Variants in DDX10 observed in about 807,000 individuals in gnomAD.
DDX10 encodes probable ATP-dependent RNA helicase DDX10.
Under a neutral mutation model 104.3 loss-of-function variants are expected in DDX10, and 74 were observed. The observed-to-expected ratio is 0.71, with a 90% confidence interval of 0.59 to 0.86. The LOEUF is 0.86. Ranked by LOEUF, DDX10 falls within the 40% of genes least tolerant of loss-of-function variation. DDX10 has a pLI of 0.00. For synonymous variants in DDX10, 351 were observed against 353.4 expected (o/e 0.99, Z 0.08); for missense variants, 952 against 1,040.0 (o/e 0.92, Z 1.16).
chr11:108,779,948 C>T (rs1241920562), intron 13 of DDX10, among the ~76,000 whole-genome samples: 6 of 152,106 alleles, frequency 3.9e-5, no homozygotes, highest in South Asian at 2.1e-4. Context: ...TTTTACCTTC[C>T]GTTATGCTAC....
intron 13 of DDX10, among the ~76,000 whole-genome samples, chr11:108,825,642 A>G (rs1418025128): frequency 6.6e-6 from 1 of 152,218 alleles, no homozygotes; most frequent in Non-Finnish European, 1.5e-5. Flanking sequence ...TATTAAGATC[A>G]CTTAAAAATG....
intron 16 of DDX10, among the ~76,000 whole-genome samples, chr11:108,908,546 T>C (rs1017635577): frequency 2.0e-5 from 3 of 152,360 alleles, no homozygotes; most frequent in South Asian, 4.1e-4. Context: ...TGTAGGAACG[T>C]AATAAAGATA....
intron 16 of DDX10, among the ~76,000 whole-genome samples, chr11:108,895,467 C>T (rs537572807): frequency 6.6e-6 from 1 of 152,070 alleles, no homozygotes; most frequent in Non-Finnish European, 1.5e-5. Context: ...CATATTATAT[C>T]ATGACTAGAT....
At position 108,810,063 on chromosome 11, in the gene DDX10, T is replaced by A. The variant is rs369525593; in HGVS notation, c.1966-28383T>A. On this transcript the variant is annotated intron_variant, in intron 13 of 17. Coordinates refer to ENST00000322536, the MANE Select transcript of DDX10 (RefSeq NM_004398.4). Reference sequence around the variant, plus strand: ...TCATTCATAAATGTTTGAGTGTTCTTCATGTGGAAAGTACTTGTCTGGGAG... The same window carrying A: ...TCATTCATAAATGTTTGAGTGTTCTACATGTGGAAAGTACTTGTCTGGGAG... Among the ~76,000 whole-genome samples the A allele has an allele frequency of 9.2e-5, 14 of 152,302 alleles. No homozygotes were observed. The South Asian group carries it at 2.9e-3, about 32-fold the overall frequency.
intron 16 of DDX10, among the ~76,000 whole-genome samples, chr11:108,881,319 A>G (rs1237010787): frequency 6.6e-6 from 1 of 152,162 alleles, no homozygotes; most frequent in South Asian, 2.1e-4. Flanking sequence ...GAAGTCCTGG[A>G]TGTAAATTAA....
intron 9 of DDX10, among the ~76,000 whole-genome samples, chr11:108,697,513 G>A (rs1041517405): frequency 4.6e-5 from 7 of 152,076 alleles, no homozygotes; most frequent in Admixed American, 1.3e-4. Flanking sequence ...AGCTAAAAAA[G>A]TGATTTGGGT....
At chr11:108,893,533 T>C (rs1014634961) in intron 16 of DDX10, among the ~76,000 whole-genome samples, 11 of 152,156 alleles carry the variant, frequency 7.2e-5, no homozygotes, top group African/African-American at 2.6e-4. Flanking sequence ...TTCCTTCTCA[T>C]AATTATGCAC....
At chr11:108,762,638 G>A (rs1313005197) in intron 13 of DDX10, among the ~76,000 whole-genome samples, 2 of 152,160 alleles carry the variant, frequency 1.3e-5, no homozygotes, top group Admixed American at 6.6e-5. Flanking sequence ...TCTTAATTGT[G>A]TAGGCAAGGT....
chr11:108,760,003 TAA>T (rs200118606), intron 13 of DDX10, among the ~76,000 whole-genome samples: 3 of 143,160 alleles, frequency 2.1e-5, no homozygotes, highest in Non-Finnish European at 4.6e-5. Flanking sequence ...TGATCCATGT[TAA>T]AAAAAAAAAA....
chr11:108,692,024 C>T lies in DDX10; in HGVS notation c.1124C>T (p.Ala375Val). Residue 375 changes from alanine (A) to valine (V), a missense_variant, in exon 8 of 18, where the codon GCA becomes GTA. Ala to Val is a moderately conservative substitution (Grantham distance 64). This residue lies in a region of DDX10 where 412 missense variants were observed against 479.2 expected (regional missense o/e 0.86). Transcript: ENST00000322536. ...RAAVLFATDIAARGLDFPAVN... is the reference protein window; with the variant it reads ...RAAVLFATDIVARGLDFPAVN... ...GCAGTACTCTTTGCTACTGATATTGCAGCCAGGGGTCTGGGTAAGAAAACT... is the reference window on the plus strand; with the variant it reads ...GCAGTACTCTTTGCTACTGATATTGTAGCCAGGGGTCTGGGTAAGAAAACT... 1.2e-6 allele frequency: 2 copies of T among 1,605,356 alleles called. No homozygotes were observed. The highest frequency in any genetic ancestry group is 1.7e-6 in the Non-Finnish European group (2 of 1,175,816).
At position 108,917,886 on chromosome 11, in the gene DDX10, A is replaced by G. The variant is rs779896494; in HGVS notation, c.2318A>G (p.Glu773Gly). The G allele has an allele frequency of 1.4e-5, 23 of 1,611,644 alleles. No individual in the cohort carries two copies. Among genetic ancestry groups the G allele is most frequent in the Non-Finnish European group, 1.9e-5 (22 of 1,179,864 alleles). Reference protein sequence around the residue: ...NKRQAKAKDEEEAFLDWSDDD... With the variant: ...NKRQAKAKDEGEAFLDWSDDD... The stretch of plus-strand genomic sequence containing the variant: ...ATTATTTTTTAGGCCAAAGATGAAG[A>G]GGAAGCCTTTCTGGATTGGAGTGAT... Residue 773 changes from glutamate to glycine, a missense_variant, in exon 17 of 18, where the codon GAG (glutamate) becomes GGG (glycine). Glu to Gly is a moderately conservative substitution (Grantham distance 98). Transcript: ENST00000322536.
intron 13 of DDX10, among the ~76,000 whole-genome samples, chr11:108,836,572 C>T (rs753747825): frequency 3.9e-5 from 6 of 152,086 alleles, no homozygotes; most frequent in Admixed American, 1.3e-4. Context: ...CTGCAACCTC[C>T]GCCTGTCAGG....
At chr11:108,777,498 T>G (rs1318343981) in intron 13 of DDX10, among the ~76,000 whole-genome samples, 1 of 152,048 alleles carries the variant, frequency 6.6e-6, no homozygotes, top group Non-Finnish European at 1.5e-5. Flanking sequence ...AAGTTTTGTG[T>G]TTTTAGTAGA....
intron 13 of DDX10, among the ~76,000 whole-genome samples, chr11:108,747,928 C>T (rs1000409915): frequency 1.3e-5 from 2 of 151,854 alleles, no homozygotes; most frequent in Non-Finnish European, 2.9e-5. Flanking sequence ...TAGAGACAGA[C>T]ACATACATAT....
At chr11:108,668,293 G>T (rs1170211633) in intron 1 of DDX10, among the ~76,000 whole-genome samples, 5 of 152,202 alleles carry the variant, frequency 3.3e-5, no homozygotes, top group Non-Finnish European at 7.3e-5. Context: ...TCTAAGCCAG[G>T]TAGTCTGATA....
chr11:108,874,600 G>C (rs893182707), intron 16 of DDX10, among the ~76,000 whole-genome samples: 1 of 150,788 alleles, frequency 6.6e-6, no homozygotes, highest in South Asian at 2.1e-4. Context: ...TTGAACTTCT[G>C]GCCTTAAGCC....
At chr11:108,766,271 C>T (rs1325450159) in intron 13 of DDX10, among the ~76,000 whole-genome samples, 1 of 152,160 alleles carries the variant, frequency 6.6e-6, no homozygotes, top group Non-Finnish European at 1.5e-5. Context: ...CATTTTGTAT[C>T]GTATCCGCTG....
intron 7 of DDX10, among the ~76,000 whole-genome samples, chr11:108,689,651 A>C (rs1224033033): frequency 6.6e-6 from 1 of 152,238 alleles, no homozygotes; most frequent in Non-Finnish European, 1.5e-5. Context: ...ATAAAGAATA[A>C]GGATTTCAGA....
intron 13 of DDX10, among the ~76,000 whole-genome samples, chr11:108,793,796 A>G (rs1173017954): frequency 6.6e-6 from 1 of 151,070 alleles, no homozygotes; most frequent in Non-Finnish European, 1.5e-5. Context: ...CCATTAACCA[A>G]CCTCTCTTTA....
Sources: gnomAD v4.1 joint callset for allele counts (sites outside exome capture counted in the v4.1 genomes callset) on GRCh38, gnomAD v4.1.1 for gene constraint, gnomAD v4.1.1 regional missense constraint, MANE v1.5 for transcripts, NCBI Gene and HGNC (gene_info 2026-07-23, HGNC 2026-07-21) for gene names.